STAM: variants seen among roughly 807,000 people sequenced by gnomAD.
STAM encodes the protein signal transducing adapter molecule 1.
A neutral mutation model predicts 63.4 loss-of-function variants in STAM; 16 were observed. That is an observed-to-expected ratio of 0.25 (90% CI 0.17 to 0.38). The LOEUF is 0.38. Among genes scored for constraint, STAM ranks in the 10% least tolerant of loss-of-function variants. The pLI is 1.00. For synonymous variants in STAM, 238 were observed against 223.9 expected, an observed-to-expected ratio of 1.06 and a Z score of -0.56; for missense variants, 636 against 657.1, an observed-to-expected ratio of 0.97 and a Z score of 0.35.
Position 17,644,233 on chromosome 10 carries a change from C to A in STAM, c.-107C>A. 1 of 1,216,730 alleles carries A rather than the reference C, an allele frequency of 8.2e-7. No homozygotes were observed. The highest frequency in any genetic ancestry group is 1.2e-5 in the South Asian group (1 of 80,382). 75.4% of individuals were successfully genotyped at this position (1,216,730 alleles called of 1,614,324 possible). On this transcript the variant is annotated 5_prime_UTR_variant, in exon 1 of 14. Transcript: ENST00000377524. ...GGAGCTGTCGCGGACCCTGTAGAGT[C>A]GGTCTCTGTTGCTCTTTTTGCCTGA...
intron 1 of STAM, among the ~76,000 whole-genome samples, chr10:17,652,090 A>G (rs1159763031): frequency 1.3e-5 from 2 of 152,240 alleles, no homozygotes; most frequent in Non-Finnish European, 2.9e-5. Context: ...GGATAAAATG[A>G]GATCATTATG....
chr10:17,691,818 T>C (rs990777837), intron 5 of STAM, among the ~76,000 whole-genome samples: 2 of 152,202 alleles, frequency 1.3e-5, no homozygotes, highest in Non-Finnish European at 2.9e-5. Context: ...TAGAATTTCA[T>C]TTTTAAATTG....
In STAM at chr10:17,688,194, T is replaced by G. The variant is rs782718363; in HGVS notation, c.444+21T>G. 2.0e-6 allele frequency: 3 copies of G among 1,513,962 alleles called. No homozygotes were observed. The Admixed American group carries it at 6.3e-5, about 32-fold the overall frequency. 93.8% of individuals were successfully genotyped at this position (1,513,962 alleles called of 1,614,324 possible). ...CTCAGGTATTTTGGGAATGAAGTTGTGTGTGTGCTACAGTTTGTTTCTCTT... is the reference window on the plus strand; with the variant it reads ...CTCAGGTATTTTGGGAATGAAGTTGGGTGTGTGCTACAGTTTGTTTCTCTT... On this transcript the variant is annotated intron_variant, in intron 5 of 13. Transcript: ENST00000377524.
rs147119276 is a variant in STAM, at chr10:17,650,527, C to G, written c.40+6148C>G. On this transcript the variant is annotated intron_variant, in intron 1 of 13. Transcript: ENST00000377524. ...ACAAGTCGTGAACTTGGGAGTAATTCTTGACTTCTGTAGTTGTAATTTTCT... is the reference window on the plus strand; with the variant it reads ...ACAAGTCGTGAACTTGGGAGTAATTGTTGACTTCTGTAGTTGTAATTTTCT... Among the ~76,000 whole-genome samples, 674 of 152,220 alleles carry G rather than the reference C, an allele frequency of 4.4e-3. 4 individuals carry two copies. Among genetic ancestry groups the G allele is most frequent in the African/African-American group, 0.015 (627 of 41,548 alleles).
intron 2 of STAM, among the ~76,000 whole-genome samples, chr10:17,679,364 C>T (rs1392241495): frequency 6.6e-6 from 1 of 152,074 alleles, no homozygotes; most frequent in African/African-American, 2.4e-5. Context: ...GTGTATCTTA[C>T]TTGGAGAAAT....
intron 5 of STAM, among the ~76,000 whole-genome samples, chr10:17,692,746 T>TTA (rs1362898399): frequency 2.6e-5 from 4 of 152,276 alleles, no homozygotes; most frequent in Admixed American, 2.0e-4. Context: ...TTATATCGTT[T>TTA]TATATATATA....
At chr10:17,661,716 G>C (rs782489767) in intron 2 of STAM, among the ~76,000 whole-genome samples, 13 of 152,042 alleles carry the variant, frequency 8.6e-5, no homozygotes, top group Admixed American at 2.0e-4. Flanking sequence ...ACTCAATTCT[G>C]TCCATCTGCC....
In STAM at chr10:17,685,815, A is replaced by G. The variant is rs188273220; in HGVS notation, c.297+888A>G. On this transcript the variant is annotated intron_variant, in intron 4 of 13. Coordinates refer to ENST00000377524, the MANE Select transcript of STAM (RefSeq NM_003473.4). ...TGGGGACCCTACAACTGCCCACTCA[A>G]CTGTAGAATTCTAGTCACACAGTTC... Among the ~76,000 whole-genome samples the G allele has an allele frequency of 3.0e-4, 45 of 152,322 alleles. 1 individual carries two copies. The East Asian group carries it at 6.4e-3, about 22-fold the overall frequency.
Position 17,695,304 on chromosome 10 carries a change from A to C in STAM, c.728+63A>C, listed in dbSNP as rs1014458017. ...GTGTATGGCTTCTGTGTTTCATATT[A>C]TTCCTGTTGATTGCAGTTACCAAAT... On this transcript the variant is annotated intron_variant, in intron 7 of 13. Coordinates refer to ENST00000377524, the MANE Select transcript of STAM (RefSeq NM_003473.4). The C allele has an allele frequency of 5.6e-6, 8 of 1,430,738 alleles. No homozygotes were observed. In the African/African-American group the frequency reaches 1.1e-4, roughly 20 times the overall value. The allele number at this position is 1,430,738 out of a possible 1,614,324, so 88.6% of individuals were successfully genotyped here.
intron 5 of STAM, among the ~76,000 whole-genome samples, chr10:17,690,910 A>G (rs1458605475): frequency 1.3e-5 from 2 of 152,180 alleles, no homozygotes; most frequent in Non-Finnish European, 2.9e-5. Context: ...ATAGAAAGGA[A>G]CTTTGAATAA....
intron 13 of STAM, 35 bp downstream of exon 13, chr10:17,708,986 G>A: frequency 6.3e-7 from 1 of 1,590,002 alleles, no homozygotes; most frequent in Non-Finnish European, 8.6e-7. Flanking sequence ...TGGAGTTAGT[G>A]CTGTTACAGC....
At chr10:17,656,484 A>G (rs947710266) in intron 1 of STAM, among the ~76,000 whole-genome samples, 2 of 151,940 alleles carry the variant, frequency 1.3e-5, no homozygotes, top group African/African-American at 4.8e-5. Context: ...TCCCCCTGCA[A>G]TATTACTGTC....
chr10:17,678,975 G>A (rs1834967924), intron 2 of STAM, among the ~76,000 whole-genome samples: 1 of 152,172 alleles, frequency 6.6e-6, no homozygotes, highest in African/African-American at 2.4e-5. Context: ...CCTTAAGGCT[G>A]AATACTATTC....
At chr10:17,664,232 G>A (rs1469228924) in intron 2 of STAM, among the ~76,000 whole-genome samples, 1 of 151,962 alleles carries the variant, frequency 6.6e-6, no homozygotes, top group East Asian at 1.9e-4. Flanking sequence ...TAAACTGTGG[G>A]ATACTTATGG....
chr10:17,716,660 C>G lies in STAM; in HGVS notation c.*1880C>G, dbSNP rs1836828415. Among the ~76,000 whole-genome samples the G allele has an allele frequency of 6.6e-6, 1 of 152,106 alleles. No homozygotes were observed. The highest frequency in any genetic ancestry group is 2.4e-5 in the African/African-American group (1 of 41,428). ...CATTTTCCCATTTTAATTTTGATAT[C>G]TTTCATGCTGAAAATCAATGACATA... On this transcript the variant is annotated 3_prime_UTR_variant, in exon 14 of 14. Coordinates refer to ENST00000377524, the MANE Select transcript of STAM (RefSeq NM_003473.4).
intron 5 of STAM, 77 bp from the exon 6 acceptor site, chr10:17,693,145 T>C: frequency 8.5e-6 from 11 of 1,296,322 alleles, no homozygotes; most frequent in Non-Finnish European, 1.2e-5. Flanking sequence ...GAGAAAGGTT[T>C]TGCAAATTCT....
intron 2 of STAM, among the ~76,000 whole-genome samples, chr10:17,665,678 A>T (rs371678606): frequency 1.3e-5 from 2 of 151,976 alleles, no homozygotes; most frequent in African/African-American, 2.4e-5. Context: ...ACACATATAC[A>T]TAATTACTGA....
chr10:17,646,156 C>G (rs781802519), intron 1 of STAM, among the ~76,000 whole-genome samples: 1 of 152,188 alleles, frequency 6.6e-6, no homozygotes, highest in Non-Finnish European at 1.5e-5. Context: ...CTTGTTACAC[C>G]TGAGTCATTT....
At chr10:17,696,960 C>T in intron 8 of STAM, 91 bp downstream of exon 8, 6 of 1,052,860 alleles carry the variant, frequency 5.7e-6, no homozygotes, top group Non-Finnish European at 1.4e-6. Context: ...AGCAGTGTTG[C>T]CCAGGCTGGA....
Sources: allele counts gnomAD v4.1 joint callset (sites outside exome capture counted in the v4.1 genomes callset), GRCh38; gene constraint gnomAD v4.1.1; transcripts MANE v1.5; gene names NCBI Gene and HGNC (gene_info 2026-07-23, HGNC 2026-07-21).